Variants in PCLO observed in about 807,000 individuals in gnomAD.
PCLO encodes piccolo presynaptic cytomatrix protein, also known as protein piccolo.
A neutral mutation model predicts 427.5 loss-of-function variants in PCLO; 82 were observed. That is an observed-to-expected ratio of 0.19 (90% CI 0.16 to 0.23). The LOEUF (loss-of-function observed/expected upper bound fraction) is 0.23. Ranked by LOEUF, PCLO falls within the 10% of genes least tolerant of loss-of-function variation. The probability of loss-of-function intolerance (pLI) is 1.00; values close to 1 mark genes in which losing one functional copy is unlikely to be tolerated. For missense variants in PCLO, 6,239 were observed against 6,115.9 expected (o/e 1.02, Z -0.67); for synonymous variants, 2,357 against 2,155.4 (o/e 1.09, Z -2.59).
chr7:83,134,929 C>G lies in PCLO; in HGVS notation c.2621G>C (p.Gly874Ala), dbSNP rs1354292172. ...PKPDAKPMPK[G>A]SPTPPGPRPT... ...TCGTGGGCCAGGGGGTGTTGGTGAC[C>G]CTTTTGGCATTGGCTTGGCATCTGG... is the stretch of plus-strand genomic sequence containing the variant. Residue 874 changes from glycine (G) to alanine (A), a missense_variant, in exon 3 of 25, where the codon GGG becomes GCG. Gly to Ala is a moderately conservative substitution (Grantham distance 60, BLOSUM62 0). This residue lies in a region of PCLO where 4,677 missense variants were observed against 4,468.4 expected (regional missense o/e 1.05). Coordinates refer to ENST00000333891, the MANE Select transcript of PCLO (RefSeq NM_033026.6). The G allele has an allele frequency of 6.2e-7, 1 of 1,605,336 alleles. No individual in the cohort carries two copies. Among genetic ancestry groups the G allele is most frequent in the African/African-American group, 1.3e-5 (1 of 74,468 alleles).
At position 82,755,044 on chromosome 7, in the gene PCLO, T is replaced by G. The variant is rs755065792; in HGVS notation, c.*3531A>C. On this transcript the variant is annotated 3_prime_UTR_variant, in exon 25 of 25. Coordinates refer to ENST00000333891, the MANE Select transcript of PCLO (RefSeq NM_033026.6). ...ATTGATCAAATAATTTCTAATAAAT[T>G]GGGCACAATATAATATATACTTTTA... The G allele has an allele frequency of 1.3e-5, 2 of 152,052 alleles. No homozygotes were observed. The highest frequency in any genetic ancestry group is 2.9e-5 in the Non-Finnish European group (2 of 67,962). 9.4% of individuals were successfully genotyped at this position (152,052 alleles called of 1,614,324 possible).
At chr7:83,121,881 T>C (rs527622022) in intron 3 of PCLO, among the ~76,000 whole-genome samples, 4 of 152,124 alleles carry the variant, frequency 2.6e-5, no homozygotes, top group Non-Finnish European at 5.9e-5. Context: ...CTAATATCTC[T>C]GATAAACATT....
chr7:82,973,154 T>C (rs747551626), intron 3 of PCLO, among the ~76,000 whole-genome samples: 2 of 152,118 alleles, frequency 1.3e-5, no homozygotes, highest in South Asian at 2.1e-4. Flanking sequence ...ATTAGAAATC[T>C]ATAATCAGTC....
chr7:83,070,726 T>C (rs775321051), intron 3 of PCLO, among the ~76,000 whole-genome samples: 1 of 152,094 alleles, frequency 6.6e-6, no homozygotes, highest in Non-Finnish European at 1.5e-5. Flanking sequence ...TACACAGAAA[T>C]GGACAACTAA....
intron 20 of PCLO, among the ~76,000 whole-genome samples, chr7:82,809,599 AAGT>A (rs1446196535): frequency 1.3e-5 from 1 of 77,788 alleles, no homozygotes; most frequent in African/African-American, 6.3e-5. Flanking sequence ...TTTAATGAAT[AAGT>A]AATAATAATA....
At chr7:83,044,897 A>C (rs988529420) in intron 3 of PCLO, among the ~76,000 whole-genome samples, 1 of 152,148 alleles carries the variant, frequency 6.6e-6, no homozygotes, top group African/African-American at 2.4e-5. Flanking sequence ...TTTAGAGGAA[A>C]TATTTCTTTT....
intron 16 of PCLO, among the ~76,000 whole-genome samples, chr7:82,828,592 C>T (rs1792011469): frequency 6.6e-6 from 1 of 152,152 alleles, no homozygotes; most frequent in South Asian, 2.1e-4. Flanking sequence ...ATTATTAGAA[C>T]TTGGGACATC....
intron 23 of PCLO, 54 bp from the exon 24 acceptor site, chr7:82,760,838 G>T: frequency 1.1e-6 from 1 of 948,432 alleles, no homozygotes; most frequent in Non-Finnish European, 1.5e-6. Flanking sequence ...AATTTCTATT[G>T]AAAGAATTAT....
At chr7:83,140,787 T>C (rs755598843) in intron 2 of PCLO, among the ~76,000 whole-genome samples, 2 of 152,182 alleles carry the variant, frequency 1.3e-5, no homozygotes, top group Non-Finnish European at 2.9e-5. Context: ...TAGCCATAAA[T>C]ATTTTTCCTG....
chr7:82,793,278 A>G (rs930974170), intron 22 of PCLO, among the ~76,000 whole-genome samples: 3 of 152,000 alleles, frequency 2.0e-5, no homozygotes, highest in Non-Finnish European at 4.4e-5. Context: ...CCTGGCTTTG[A>G]CCTTCCCACC....
At chr7:83,059,383 A>T (rs868795502) in intron 3 of PCLO, among the ~76,000 whole-genome samples, 1,344 of 89,814 alleles carry the variant, frequency 0.015, 27 homozygotes, top group African/African-American at 0.039. Context: ...TATATATAAA[A>T]ATGAAAAATA....
intron 3 of PCLO, among the ~76,000 whole-genome samples, chr7:83,009,877 T>C (rs1788037050): frequency 6.6e-6 from 1 of 151,942 alleles, no homozygotes; most frequent in African/African-American, 2.4e-5. Flanking sequence ...ATATAATAAC[T>C]ATTTACTAAA....
chr7:82,758,416 C>T lies in PCLO; in HGVS notation c.*159G>A. On this transcript the variant is annotated 3_prime_UTR_variant, in exon 25 of 25. Transcript: ENST00000333891. ...TTTCAGTTGAATATCTTTGTGTGAT[C>T]CACAACAATAAATGTACAAGGTCTT... is the stretch of plus-strand genomic sequence containing the variant. 1 of 540,646 alleles carries T rather than the reference C, an allele frequency of 1.8e-6. No homozygotes were observed. The highest frequency in any genetic ancestry group is 3.0e-5 in the East Asian group (1 of 33,684). 33.5% of individuals were successfully genotyped at this position (540,646 alleles called of 1,614,324 possible). A position where few individuals can be genotyped will look rare whatever the true frequency, so the allele number is the denominator to read the frequency against.
chr7:82,792,259 A>C (rs1027303039), intron 22 of PCLO, among the ~76,000 whole-genome samples: 2 of 151,872 alleles, frequency 1.3e-5, no homozygotes, highest in East Asian at 1.9e-4. Flanking sequence ...TTTTCTTCTT[A>C]TTATTATGCA....
chr7:82,975,918 C>T (rs1796006522), intron 3 of PCLO, among the ~76,000 whole-genome samples: 2 of 152,110 alleles, frequency 1.3e-5, no homozygotes, highest in Non-Finnish European at 1.5e-5. Context: ...CTGCCATGAC[C>T]GTAAGTTTCC....
chr7:83,061,774 G>C (rs1385300961), intron 3 of PCLO, among the ~76,000 whole-genome samples: 1 of 152,118 alleles, frequency 6.6e-6, no homozygotes, highest in Non-Finnish European at 1.5e-5. Flanking sequence ...TAAGCCATTA[G>C]CTTTAAAGCT....
chr7:82,773,020 C>T (rs943403428), intron 22 of PCLO, among the ~76,000 whole-genome samples: 6 of 152,108 alleles, frequency 3.9e-5, no homozygotes, highest in Non-Finnish European at 7.4e-5. Context: ...GACCAACATG[C>T]TAGCAAAGTC....
At chr7:82,984,650 G>A (rs1166656910) in intron 3 of PCLO, among the ~76,000 whole-genome samples, 1 of 151,844 alleles carries the variant, frequency 6.6e-6, no homozygotes, top group Non-Finnish European at 1.5e-5. Flanking sequence ...TTGTTTATTT[G>A]TTTTTCACAG....
intron 2 of PCLO, among the ~76,000 whole-genome samples, chr7:83,150,238 GA>G (rs1792095677): frequency 2.0e-5 from 3 of 152,124 alleles, no homozygotes; most frequent in Admixed American, 2.0e-4. Context: ...CCTCCAATTA[GA>G]AAGCAAACGT....
Sources: allele counts gnomAD v4.1 joint callset (sites outside exome capture counted in the v4.1 genomes callset), GRCh38; gene constraint gnomAD v4.1.1; regional missense constraint gnomAD v4.1.1; transcripts MANE v1.5; gene names NCBI Gene and HGNC (gene_info 2026-07-23, HGNC 2026-07-21).